LGALS13: variants seen among roughly 807,000 people sequenced by gnomAD.
LGALS13 encodes the protein galectin 13.
A neutral mutation model predicts 13.2 loss-of-function variants in LGALS13; 11 were observed. That is an observed-to-expected ratio of 0.83 (90% CI 0.52 to 1.38). The LOEUF is 1.38. LGALS13 is among the 40% of genes most tolerant of loss of function. LGALS13 has a pLI of 0.00. For missense variants in LGALS13, 183 were observed against 174.3 expected, an observed-to-expected ratio of 1.05 and a Z score of -0.28; for synonymous variants, 71 against 63.7, an observed-to-expected ratio of 1.11 and a Z score of -0.54.
At chr19:39,602,982 C>T (rs1972625176) in intron 1 of LGALS13, among the ~76,000 whole-genome samples, 1 of 152,140 alleles carries the variant, frequency 6.6e-6, no homozygotes, top group Admixed American at 6.5e-5. Flanking sequence ...TCGTTATGTG[C>T]ACAGTGAGCA....
intron 1 of LGALS13, chr19:39,603,955 G>T: frequency 1.0e-6 from 1 of 985,294 alleles, no homozygotes; most frequent in Non-Finnish European, 1.2e-6. Context: ...GCAAGTACTG[G>T]GGCTGTGCTC....
intron 1 of LGALS13, among the ~76,000 whole-genome samples, chr19:39,603,186 A>T (rs1972628432): frequency 6.6e-6 from 1 of 152,160 alleles, no homozygotes; most frequent in African/African-American, 2.4e-5. Flanking sequence ...TGAGTTACCA[A>T]GGACTTATTT....
In LGALS13 at chr19:39,604,617, C is replaced by A; in HGVS notation, c.31C>A (p.Pro11Thr). 1 of 1,614,182 alleles carries A rather than the reference C, an allele frequency of 6.2e-7. No individual in the cohort carries two copies. The highest frequency in any genetic ancestry group is 8.5e-7 in the Non-Finnish European group (1 of 1,180,046). MSSLPVPYKL[P>T]VSLSVGSCVI... The stretch of plus-strand genomic sequence containing the variant: ...ACTCTGGCAGGTGCCATACAAACTG[C>A]CTGTGTCTTTGTCTGTTGGTTCCTG... The change falls in exon 2 of 4, where the codon CCT becomes ACT. Residue 11 changes from proline (P) to threonine (T), a missense_variant. Physicochemically the swap from Pro to Thr is conservative, Grantham distance 38. Coordinates refer to ENST00000221797, the MANE Select transcript of LGALS13 (RefSeq NM_013268.3).
In LGALS13 at chr19:39,605,299, T is replaced by C. The variant is rs750974662; in HGVS notation, c.214T>C (p.Trp72Arg). 6 of 1,614,134 alleles carry C rather than the reference T, an allele frequency of 3.7e-6. No individual in the cohort carries two copies. The highest frequency in any genetic ancestry group is 1.1e-5 in the South Asian group (1 of 91,088). The change falls in exon 3 of 4, where the codon TGG becomes CGG. Residue 72 changes from tryptophan (W) to arginine (R), a missense_variant. Transcript: ENST00000221797. ...CATGAACAGGCGTGAGTTTGGGATA[T>C]GGATGTTGGAGGAGACAACAGACTA... ...VVMNRREFGI[W>R]MLEETTDYVP...
intron 1 of LGALS13, chr19:39,604,096 A>G: frequency 1.9e-6 from 1 of 517,040 alleles, no homozygotes; most frequent in Non-Finnish European, 2.5e-6. Flanking sequence ...GTTGTTTCTC[A>G]CTGGAGTGAA....
intron 3 of LGALS13, among the ~76,000 whole-genome samples, chr19:39,606,918 T>C (rs1371231260): frequency 6.6e-6 from 1 of 152,144 alleles, no homozygotes; most frequent in Non-Finnish European, 1.5e-5. Context: ...GGTCTCAAGT[T>C]CCTGAGACAC....
Position 39,607,469 on chromosome 19 carries a change from A to G in LGALS13, c.*130A>G, listed in dbSNP as rs1972710735. ...CACTTTGTCATTAAAACAGCACGAA[A>G]ACTCACATGATTTGGTTCTTGCTTT... On this transcript the variant is annotated 3_prime_UTR_variant, in exon 4 of 4. Transcript: ENST00000221797. 1 of 707,060 alleles carries G rather than the reference A, an allele frequency of 1.4e-6. No homozygotes were observed. Among genetic ancestry groups the G allele is most frequent in the South Asian group, 1.5e-5 (1 of 64,866 alleles). 43.8% of individuals were successfully genotyped at this position (707,060 alleles called of 1,614,324 possible).
intron 2 of LGALS13, among the ~76,000 whole-genome samples, chr19:39,604,921 G>T (rs1600799466): frequency 6.6e-6 from 1 of 152,176 alleles, no homozygotes. Context: ...TTATCAGGGG[G>T]CATAGAATTT....
intron 3 of LGALS13, 151 bp from the exon 4 acceptor site, chr19:39,607,072 G>C (rs1330580134): frequency 2.9e-6 from 2 of 692,762 alleles, no homozygotes; most frequent in Non-Finnish European, 5.4e-6. Flanking sequence ...GGCACAAAAC[G>C]TCATCTGTAA....
intron 3 of LGALS13, among the ~76,000 whole-genome samples, chr19:39,607,019 T>A (rs1459689272): frequency 6.6e-6 from 1 of 152,146 alleles, no homozygotes; most frequent in Non-Finnish European, 1.5e-5. Context: ...GCTAGAGGAA[T>A]GAGTGGAAAC....
intron 2 of LGALS13, 25 bp downstream of exon 2, chr19:39,604,703 G>A (rs369683120): frequency 6.2e-7 from 1 of 1,612,880 alleles, no homozygotes; most frequent in South Asian, 1.1e-5. Flanking sequence ...GTCCAATGGA[G>A]GGGTTGGAGA....
chr19:39,605,984 C>T (rs1254589429), intron 3 of LGALS13, among the ~76,000 whole-genome samples: 1 of 152,162 alleles, frequency 6.6e-6, no homozygotes, highest in Non-Finnish European at 1.5e-5. Flanking sequence ...GTAGCTGGGA[C>T]TACAGGTGTG....
Position 39,605,342 on chromosome 19 carries a change from G to T in LGALS13, c.257G>T (p.Gly86Val). Residue 86 changes from glycine to valine, a missense_variant, in exon 3 of 4, where the codon GGC (glycine) becomes GTC (valine). Coordinates refer to ENST00000221797, the MANE Select transcript of LGALS13 (RefSeq NM_013268.3). ...ETTDYVPFED[G>V]KQFELCIYVH... ...ACAGACTACGTGCCCTTTGAGGATG[G>T]CAAACAATTTGAGCTGTGCATCTAC... 6.2e-7 allele frequency: 1 copy of T among 1,614,182 alleles called. No individual in the cohort carries two copies. The highest frequency in any genetic ancestry group is 8.5e-7 in the Non-Finnish European group (1 of 1,180,028).
rs1028128263 is a variant in LGALS13, at chr19:39,607,415, A to T, written c.*76A>T. On this transcript the variant is annotated 3_prime_UTR_variant, in exon 4 of 4. Transcript: ENST00000221797. ...CATGGGATTCCCAGAACCTGCTAAC[A>T]GAATAATCCCTGCTCACATTTTCCC... 1.5e-5 allele frequency: 14 copies of T among 942,566 alleles called. No individual in the cohort carries two copies. Among genetic ancestry groups the T allele is most frequent in the Non-Finnish European group, 2.5e-5 (14 of 570,020 alleles). 58.4% of individuals were successfully genotyped at this position (942,566 alleles called of 1,614,324 possible).
intron 1 of LGALS13, among the ~76,000 whole-genome samples, chr19:39,603,059 G>C (rs1285310747): frequency 6.6e-6 from 1 of 152,190 alleles, no homozygotes; most frequent in Non-Finnish European, 1.5e-5. Flanking sequence ...GGATGTGACT[G>C]TATGTTGAAG....
chr19:39,607,152 A>G lies in LGALS13; in HGVS notation c.304-71A>G, dbSNP rs753600074. 7.1e-5 allele frequency: 69 copies of G among 966,754 alleles called. No homozygotes were observed. The East Asian group carries it at 1.5e-3, about 21-fold the overall frequency. 59.9% of individuals were successfully genotyped at this position (966,754 alleles called of 1,614,324 possible). A position where few individuals can be genotyped will look rare whatever the true frequency, so the allele number is the denominator to read the frequency against. ...CTTGGGGAATGTTATTTGTACCAGG[A>G]CAGAGTGGAGAGGAGGCCGAAAACT... On this transcript the variant is annotated intron_variant, in intron 3 of 3. Transcript: ENST00000221797.
In LGALS13 at chr19:39,605,092, A is replaced by T. The variant is rs1345305962; in HGVS notation, c.93-86A>T. 1.5e-5 allele frequency: 17 copies of T among 1,161,876 alleles called. No individual in the cohort carries two copies. The East Asian group carries it at 3.6e-4, about 25-fold the overall frequency. 72.0% of individuals were successfully genotyped at this position (1,161,876 alleles called of 1,614,324 possible). ...ATCTGGGAGACTTTTTCCCTAGGTA[A>T]ATGGGGGAAGGGATTTGTGTGTGTG... On this transcript the variant is annotated intron_variant, in intron 2 of 3. Coordinates refer to ENST00000221797, the MANE Select transcript of LGALS13 (RefSeq NM_013268.3).
chr19:39,602,639 A>C, intron 1 of LGALS13, 56 bp downstream of exon 1: 2 of 1,554,518 alleles, frequency 1.3e-6, no homozygotes, highest in Admixed American at 3.3e-5. Flanking sequence ...CCAAGAAAGA[A>C]ATGGGAGATT....
intron 1 of LGALS13, chr19:39,603,974 G>A: frequency 1.0e-6 from 1 of 985,444 alleles, no homozygotes; most frequent in Non-Finnish European, 1.2e-6. Context: ...TCTCAGTAGT[G>A]TGTGCCCCTT....
Sources: gnomAD v4.1 joint callset for allele counts (sites outside exome capture counted in the v4.1 genomes callset) on GRCh38, gnomAD v4.1.1 for gene constraint, MANE v1.5 for transcripts, NCBI Gene and HGNC (gene_info 2026-07-23, HGNC 2026-07-21) for gene names.